The following THEMIS variants were observed in gnomAD, a reference collection of about 807,000 sequenced individuals.
THEMIS encodes the protein thymocyte selection associated.
In THEMIS, 37 loss-of-function variants were observed where a neutral mutation model predicts 52.6. The observed-to-expected ratio is 0.70, with a 90% CI of 0.54 to 0.93. The LOEUF (loss-of-function observed/expected upper bound fraction) is 0.93. Among genes scored for constraint, THEMIS ranks in the 40% least tolerant of loss-of-function variants. The pLI, the probability that THEMIS is intolerant of heterozygous loss-of-function variation, is 0.00. For missense variants in THEMIS, 808 were observed against 763.1 expected (o/e 1.06, Z -0.69); for synonymous variants, 292 against 272.7 (o/e 1.07, Z -0.70).
At chr6:127,752,909 A>T (rs1775695946) in intron 4 of THEMIS, among the ~76,000 whole-genome samples, 1 of 151,934 alleles carries the variant, frequency 6.6e-6, no homozygotes. Flanking sequence ...GATAAGTGTA[A>T]AAATTGTCAA....
At chr6:127,826,695 T>C (rs1015280781) in intron 3 of THEMIS, among the ~76,000 whole-genome samples, 2 of 152,152 alleles carry the variant, frequency 1.3e-5, no homozygotes, top group Non-Finnish European at 2.9e-5. Flanking sequence ...CATTTGCAAA[T>C]ATTATGTATT....
rs140921327 is a variant in THEMIS, at chr6:127,801,137, A to C, written c.1758+11746T>G. On this transcript the variant is annotated intron_variant, in intron 4 of 5. Transcript: ENST00000368248. ...TAAATGCATTTGACATTCCTGATAC[A>C]TGCTCATGAGAGGCAAGGAGTTTAG... is the stretch of plus-strand genomic sequence containing the variant. 4.0e-3 allele frequency among the ~76,000 whole-genome samples: 610 copies of C among 152,342 alleles called. 5 individuals carry two copies. Among genetic ancestry groups the C allele is most frequent in the South Asian group, 0.016 (76 of 4,828 alleles).
chr6:127,855,257 G>T, intron 1 of THEMIS, 69 bp from the exon 2 acceptor site: 1 of 1,323,672 alleles, frequency 7.6e-7, no homozygotes, highest in Non-Finnish European at 1.0e-6. Flanking sequence ...AGACTCAAAA[G>T]CTTAATATAA....
intron 4 of THEMIS, among the ~76,000 whole-genome samples, chr6:127,806,968 C>T (rs140901024): frequency 2.0e-5 from 3 of 152,296 alleles, no homozygotes; most frequent in African/African-American, 4.8e-5. Flanking sequence ...GTTTATAGCC[C>T]ATGCCATTTA....
intron 1 of THEMIS, among the ~76,000 whole-genome samples, chr6:127,893,585 C>T (rs540060429): frequency 1.4e-4 from 22 of 152,208 alleles, no homozygotes; most frequent in South Asian, 1.2e-3. Context: ...CGCTTCACAT[C>T]GATACGGCTC....
intron 4 of THEMIS, among the ~76,000 whole-genome samples, chr6:127,760,686 A>G (rs1209515162): frequency 6.6e-6 from 1 of 152,108 alleles, no homozygotes; most frequent in East Asian, 1.9e-4. Context: ...TGAGGCCCGG[A>G]GGATGATTTG....
chr6:127,781,690 C>T (rs929185151), intron 4 of THEMIS, among the ~76,000 whole-genome samples: 1 of 152,144 alleles, frequency 6.6e-6, no homozygotes, highest in East Asian at 1.9e-4. Context: ...GAGGTCCACT[C>T]CAGACCCTGT....
chr6:127,906,555 G>T (rs190451640), intron 1 of THEMIS, among the ~76,000 whole-genome samples: 382 of 151,762 alleles, frequency 2.5e-3, no homozygotes, highest in Non-Finnish European at 4.3e-3. Flanking sequence ...TACACACAAA[G>T]ATTTATTTAT....
intron 2 of THEMIS, among the ~76,000 whole-genome samples, chr6:127,849,348 G>T (rs1042558897): frequency 6.6e-6 from 1 of 151,884 alleles, no homozygotes; most frequent in Non-Finnish European, 1.5e-5. Context: ...ATAGTTTGAA[G>T]TCAGGTAGCG....
chr6:127,816,230 C>A (rs1430658872), intron 3 of THEMIS, among the ~76,000 whole-genome samples: 1 of 152,054 alleles, frequency 6.6e-6, no homozygotes, highest in Admixed American at 6.6e-5. Flanking sequence ...ACCACCCACC[C>A]CTCACACACA....
chr6:127,787,803 G>GTAGATAGATAGA (rs147102978), intron 4 of THEMIS, among the ~76,000 whole-genome samples: 6,802 of 131,854 alleles, frequency 0.052, 220 homozygotes, highest in African/African-American at 0.068. Flanking sequence ...ACAGTGATAG[G>GTAGATAGATAGA]TAGATAGATA....
At chr6:127,769,865 ATGTGGTGTTTGGTT>A (rs1219683915) in intron 4 of THEMIS, among the ~76,000 whole-genome samples, 1 of 152,172 alleles carries the variant, frequency 6.6e-6, no homozygotes, top group Non-Finnish European at 1.5e-5. Flanking sequence ...GAGTGAGAAC[ATGTGGTGTTTGGTT>A]TCCTGTCCTT....
the THEMIS span, among the ~76,000 whole-genome samples, chr6:127,702,869 A>C: frequency 6.6e-6 from 1 of 151,588 alleles, no homozygotes; most frequent in South Asian, 2.1e-4. Flanking sequence ...AGACGTATTC[A>C]CTCTCACGAG....
chr6:127,763,068 G>C (rs750018243), intron 4 of THEMIS, among the ~76,000 whole-genome samples: 1 of 151,934 alleles, frequency 6.6e-6, no homozygotes, highest in East Asian at 1.9e-4. Flanking sequence ...TATTCCCTTT[G>C]AAAAATTAAT....
intron 2 of THEMIS, among the ~76,000 whole-genome samples, chr6:127,831,817 A>C (rs1778706078): frequency 1.3e-5 from 2 of 152,262 alleles, no homozygotes; most frequent in South Asian, 4.1e-4. Context: ...TAAGGGAAAG[A>C]CACATTTACT....
chr6:127,913,958 T>C (rs1444299906), intron 1 of THEMIS, among the ~76,000 whole-genome samples: 2 of 152,184 alleles, frequency 1.3e-5, no homozygotes, highest in Non-Finnish European at 2.9e-5. Flanking sequence ...ATTTATCTGA[T>C]ATGCTTGGGA....
At chr6:127,786,968 G>T (rs1391112382) in intron 4 of THEMIS, among the ~76,000 whole-genome samples, 1 of 152,054 alleles carries the variant, frequency 6.6e-6, no homozygotes, top group Non-Finnish European at 1.5e-5. Flanking sequence ...GGGGGACACT[G>T]GGTTTGGAGC....
chr6:127,828,881 C>T (rs1293433453), intron 3 of THEMIS, among the ~76,000 whole-genome samples: 1 of 152,040 alleles, frequency 6.6e-6, no homozygotes, highest in East Asian at 1.9e-4. Flanking sequence ...TGCACTCCAG[C>T]CTGGCAACAG....
intron 1 of THEMIS, among the ~76,000 whole-genome samples, chr6:127,855,548 A>T (rs945619550): frequency 1.3e-5 from 2 of 151,950 alleles, no homozygotes; most frequent in Non-Finnish European, 2.9e-5. Context: ...ATGACTCAAA[A>T]ATGATCTAAA....
Sources: gnomAD v4.1 joint callset for allele counts (sites outside exome capture counted in the v4.1 genomes callset) on GRCh38, gnomAD v4.1.1 for gene constraint, MANE v1.5 for transcripts, NCBI Gene and HGNC (gene_info 2026-07-23, HGNC 2026-07-21) for gene names.